LEPROTL1: variants seen among roughly 807,000 people sequenced by gnomAD.
LEPROTL1 encodes the protein leptin receptor overlapping transcript-like 1.
LEPROTL1 carries 6 observed loss-of-function variants against 15.4 expected under a neutral mutation model. The ratio of observed to expected loss-of-function variants is 0.39; its 90% confidence interval spans 0.21 to 0.77. The LOEUF (loss-of-function observed/expected upper bound fraction) is 0.77, where lower values mean the gene tolerates loss of function less well. Among genes scored for constraint, LEPROTL1 ranks in the 30% least tolerant of loss-of-function variants. LEPROTL1 has a pLI of 0.41. For synonymous variants in LEPROTL1, 56 were observed against 52.6 expected (o/e 1.06, Z -0.28); for missense variants, 128 against 158.1 (o/e 0.81, Z 1.02).
intron 2 of LEPROTL1, among the ~76,000 whole-genome samples, chr8:30,103,728 C>G (rs1321481636): frequency 2.1e-5 from 3 of 144,430 alleles, no homozygotes; most frequent in African/African-American, 7.8e-5. Flanking sequence ...GGCAGCAGAG[C>G]GAGACTCTGT....
At chr8:30,101,791 T>C (rs1254680852) in intron 1 of LEPROTL1, 107 bp from the exon 2 acceptor site, 5 of 654,980 alleles carry the variant, frequency 7.6e-6, no homozygotes, top group Non-Finnish European at 1.3e-5. Flanking sequence ...TATTAATACG[T>C]TTTAGGGATT....
Position 30,100,849 on chromosome 8 carries a change from C to CTGTGTGTGTGTGTGTGTGTG in LEPROTL1, c.17-1030_17-1029insGTGTGTGTGTGTGTGTGTGT, listed in dbSNP as rs113757454. ...CGTGAGAGCACCTTAAAATGTACTG[C>CTGTGTGTGTGTGTGTGTGTG]TGTGTGTGTGTGTGTGTGTCTGTGT... On this transcript the variant is annotated intron_variant, in intron 1 of 3. Coordinates refer to ENST00000321250, the MANE Select transcript of LEPROTL1 (RefSeq NM_015344.3). Among the ~76,000 whole-genome samples the CTGTGTGTGTGTGTGTGTGTG allele has an allele frequency of 7.3e-5, 11 of 150,748 alleles. No individual in the cohort carries two copies. In the East Asian group the frequency reaches 1.9e-3, roughly 27 times the overall value.
At chr8:30,096,359 T>G (rs1802367162) in intron 1 of LEPROTL1, 3 of 985,410 alleles carry the variant, frequency 3.0e-6, no homozygotes, top group Non-Finnish European at 2.4e-6. Flanking sequence ...CAGCTACTGC[T>G]TAACTAATTA....
Position 30,107,119 on chromosome 8 carries a change from C to T in LEPROTL1, c.*1257C>T. On this transcript the variant is annotated 3_prime_UTR_variant, in exon 4 of 4. Transcript: ENST00000321250. ...TTTAAGACAAGTTTCCTGTATACCT[C>T]TGAACTGTTTTGATTTTGAGTTCAT... is the stretch of plus-strand genomic sequence containing the variant. 1.0e-6 allele frequency: 1 copy of T among 982,468 alleles called. No individual in the cohort carries two copies. The highest frequency in any genetic ancestry group is 1.7e-5 in the African/African-American group (1 of 57,292). 60.9% of individuals were successfully genotyped at this position (982,468 alleles called of 1,614,324 possible). A position where few individuals can be genotyped will look rare whatever the true frequency, so the allele number is the denominator to read the frequency against.
At chr8:30,114,361 G>C (rs953284023) in intron 3 of LEPROTL1, among the ~76,000 whole-genome samples, 61 of 152,048 alleles carry the variant, frequency 4.0e-4, no homozygotes, top group African/African-American at 1.4e-3. Flanking sequence ...TGTGATCCTG[G>C]CTCACTGCAG....
chr8:30,128,147 C>T (rs1238230333), intron 3 of LEPROTL1, among the ~76,000 whole-genome samples: 1 of 152,166 alleles, frequency 6.6e-6, no homozygotes, highest in East Asian at 1.9e-4. Context: ...CAGATGGCTC[C>T]AGTCTACATC....
At chr8:30,114,145 A>G (rs1382740004) in intron 3 of LEPROTL1, among the ~76,000 whole-genome samples, 1 of 152,150 alleles carries the variant, frequency 6.6e-6, no homozygotes, top group Non-Finnish European at 1.5e-5. Context: ...TAATATGGAT[A>G]AACCTTATTC....
chr8:30,110,974 T>C (rs147551495), downstream of LEPROTL1, among the ~76,000 whole-genome samples: 113 of 152,350 alleles, frequency 7.4e-4, 2 homozygotes, highest in East Asian at 0.019. Context: ...ATCATGTAAA[T>C]ACAACTGTGA....
intron 4 of LEPROTL1, among the ~76,000 whole-genome samples, chr8:30,136,747 G>A (rs1228778886): frequency 1.9e-5 from 2 of 105,292 alleles, no homozygotes; most frequent in Admixed American, 9.1e-5. Context: ...TTTTTTTTTT[G>A]AGACAGTGTC....
At chr8:30,112,989 G>T (rs963228354), downstream of LEPROTL1, among the ~76,000 whole-genome samples, 7 of 151,356 alleles carry the variant, frequency 4.6e-5, no homozygotes, top group African/African-American at 1.7e-4. Flanking sequence ...ACCCTTTTTG[G>T]CCAGGTGCAG....
chr8:30,123,553 A>G (rs1289053985), intron 3 of LEPROTL1, among the ~76,000 whole-genome samples: 2 of 152,200 alleles, frequency 1.3e-5, no homozygotes, highest in African/African-American at 4.8e-5. Flanking sequence ...ATTCCTAAAT[A>G]TGTCAGGTTT....
chr8:30,135,013 G>A (rs1201151806), intron 4 of LEPROTL1, among the ~76,000 whole-genome samples: 7 of 151,438 alleles, frequency 4.6e-5, no homozygotes, highest in Non-Finnish European at 8.8e-5. Flanking sequence ...CTGAGAAGCT[G>A]GAACTTCAGA....
chr8:30,134,989 C>T (rs1430350002), intron 4 of LEPROTL1, among the ~76,000 whole-genome samples: 2 of 152,294 alleles, frequency 1.3e-5, no homozygotes, highest in Admixed American at 1.3e-4. Flanking sequence ...AAGTGATCCT[C>T]CCACCTCTCC....
chr8:30,128,397 C>CT (rs1480404088), intron 3 of LEPROTL1, among the ~76,000 whole-genome samples: 2 of 152,096 alleles, frequency 1.3e-5, no homozygotes, highest in African/African-American at 4.8e-5. Flanking sequence ...TAACCAAGTT[C>CT]TTTTTTAAAT....
exon 5 of LEPROTL1, chr8:30,137,272 A>G (rs1329361834): frequency 6.4e-7 from 1 of 1,551,138 alleles, no homozygotes. Context: ...TGTTTTCTAG[A>G]TGGGGCGCCT....
chr8:30,114,325 C>T (rs1478941689), intron 3 of LEPROTL1, among the ~76,000 whole-genome samples: 1 of 148,442 alleles, frequency 6.7e-6, no homozygotes, highest in East Asian at 2.0e-4. Flanking sequence ...GAGTCTGGCT[C>T]TGTCACCCAG....
chr8:30,111,643 G>A (rs1802653728), downstream of LEPROTL1, among the ~76,000 whole-genome samples: 1 of 152,178 alleles, frequency 6.6e-6, no homozygotes, highest in Non-Finnish European at 1.5e-5. Context: ...CTCTGAAGTG[G>A]TAATCTAATG....
Position 30,104,484 on chromosome 8 carries a change from C to G in LEPROTL1, c.277C>G (p.Leu93Val). The G allele has an allele frequency of 6.3e-7, 1 of 1,579,314 alleles. No homozygotes were observed. Among genetic ancestry groups the G allele is most frequent in the Non-Finnish European group, 8.6e-7 (1 of 1,162,454 alleles). The change falls in exon 3 of 4, where the codon CTG becomes GTG. Residue 93 changes from leucine (L) to valine (V), a missense_variant and splice_region_variant. Transcript: ENST00000321250. ...GLPIVFARAH[L>V]IEWGACALVL... ...CCCTATTGTATTTGCCAGAGCACAT[C>G]TGGTAAGTGAATATATTCTTCCATT...
intron 3 of LEPROTL1, among the ~76,000 whole-genome samples, chr8:30,105,279 G>A (rs1188403851): frequency 1.3e-5 from 2 of 152,100 alleles, no homozygotes; most frequent in Non-Finnish European, 2.9e-5. Flanking sequence ...CCCTTCAAAA[G>A]AATGTACATG....
Sources: allele counts gnomAD v4.1 joint callset (sites outside exome capture counted in the v4.1 genomes callset), GRCh38; gene constraint gnomAD v4.1.1; transcripts MANE v1.5; gene names NCBI Gene and HGNC (gene_info 2026-07-23, HGNC 2026-07-21).